Variants in FAM135B observed in about 807,000 individuals in gnomAD.
FAM135B encodes the protein family with sequence similarity 135 member B, also known as protein FAM135B.
FAM135B carries 43 observed loss-of-function variants against 127.7 expected under a neutral mutation model. The observed-to-expected ratio is 0.34, with a 90% CI of 0.26 to 0.43. The LOEUF is 0.43. Among genes scored for constraint, FAM135B ranks in the 20% least tolerant of loss-of-function variants. The probability of loss-of-function intolerance (pLI) is 1.00; values close to 1 mark genes in which losing one functional copy is unlikely to be tolerated. For synonymous variants in FAM135B, 670 were observed against 665.1 expected, an observed-to-expected ratio of 1.01 and a Z score of -0.11; for missense variants, 1,558 against 1,725.6, an observed-to-expected ratio of 0.90 and a Z score of 1.72.
intron 5 of FAM135B, among the ~76,000 whole-genome samples, chr8:138,252,212 T>C (rs1372735169): frequency 6.6e-6 from 1 of 152,230 alleles, no homozygotes; most frequent in Admixed American, 6.5e-5. Flanking sequence ...GAGCTTATTA[T>C]GAACTGAACA....
In FAM135B at chr8:138,141,177, C is replaced by T. The variant is rs537974473; in HGVS notation, c.3790+21G>A. 57 of 1,612,020 alleles carry T rather than the reference C, an allele frequency of 3.5e-5. No homozygotes were observed. The highest frequency in any genetic ancestry group is 1.6e-4 in the East Asian group (7 of 44,858). On this transcript the variant is annotated intron_variant, in intron 17 of 19. Coordinates refer to ENST00000395297, the MANE Select transcript of FAM135B (RefSeq NM_015912.4). This position sits in a 1 kb window ranked among gnomAD's most constrained non-coding sequence, Gnocchi z 4.7. ...GCCCCAGATTAATTCTGAGGAATGA[C>T]GAGTCCTAGAAGAATCTTACCTGTA...
intron 1 of FAM135B, chr8:138,440,799 G>A (rs1157200517): frequency 1.3e-5 from 2 of 151,680 alleles, no homozygotes; most frequent in East Asian, 3.9e-4. Context: ...TTGAAAAAGT[G>A]GCTATGATAT....
intron 12 of FAM135B, among the ~76,000 whole-genome samples, chr8:138,157,249 C>A (rs553260215): frequency 6.6e-6 from 1 of 152,170 alleles, no homozygotes; most frequent in Non-Finnish European, 1.5e-5. Context: ...TTCAACAGCA[C>A]TTCATGCTAA....
chr8:138,336,964 A>C (rs1411479102), intron 2 of FAM135B, among the ~76,000 whole-genome samples: 1 of 152,248 alleles, frequency 6.6e-6, no homozygotes, highest in Non-Finnish European at 1.5e-5. Context: ...TAGGCAAATC[A>C]ATAAACGTAA....
chr8:138,495,453 A>C (rs1815354963), intron 1 of FAM135B, among the ~76,000 whole-genome samples: 1 of 152,202 alleles, frequency 6.6e-6, no homozygotes, highest in African/African-American at 2.4e-5. Context: ...TGGCCAAATC[A>C]CATCCCCTTG....
chr8:138,367,463 T>TACC, intron 2 of FAM135B: 1 of 457,274 alleles, frequency 2.2e-6, no homozygotes. Flanking sequence ...TGTTTGCAAA[T>TACC]ACCAACCTTA....
At chr8:138,397,536 T>C (rs1217988636) in intron 1 of FAM135B, among the ~76,000 whole-genome samples, 1 of 152,236 alleles carries the variant, frequency 6.6e-6, no homozygotes, top group African/African-American at 2.4e-5. Context: ...TCTAATAGCA[T>C]ACGTACTTGT....
At chr8:138,441,779 G>A (rs969227285) in intron 1 of FAM135B, 1 of 151,568 alleles carries the variant, frequency 6.6e-6, no homozygotes, top group African/African-American at 2.4e-5. Flanking sequence ...GATCATATGA[G>A]TGGACCTAGG....
At position 138,152,987 on chromosome 8, in the gene FAM135B, A is replaced by C. The variant is rs903104225; in HGVS notation, c.1488T>G (p.Ser496=). 7 of 1,614,104 alleles carry C rather than the reference A, an allele frequency of 4.3e-6. No homozygotes were observed. The African/African-American group carries it at 9.3e-5, about 22-fold the overall frequency. ...CAATTGATATATACACCTGAGATTC[A>C]GAGCACATGTCCATATGATTTTGTG... The part of the protein sequence containing the change: ...VATQNHMDMC[S]ESQVYISIGE... The change falls in exon 13 of 20, where the codon TCT becomes TCG. Residue 496 remains serine (S), a synonymous_variant. Transcript: ENST00000395297.
intron 2 of FAM135B, among the ~76,000 whole-genome samples, chr8:138,339,851 C>T (rs755287985): frequency 6.6e-6 from 1 of 152,180 alleles, no homozygotes; most frequent in Non-Finnish European, 1.5e-5. Flanking sequence ...GGGGTTCCGT[C>T]GCTTCCTGTT....
At chr8:138,256,571 A>C in intron 5 of FAM135B, 118 bp downstream of exon 5, 3 of 797,996 alleles carry the variant, frequency 3.8e-6, no homozygotes, top group Non-Finnish European at 6.3e-6. Flanking sequence ...GCAGCTTATC[A>C]GGAGATGCTG....
intron 12 of FAM135B, among the ~76,000 whole-genome samples, chr8:138,153,858 G>T (rs1818428289): frequency 6.6e-6 from 1 of 152,184 alleles, no homozygotes; most frequent in African/African-American, 2.4e-5. Flanking sequence ...CCACCTCTCG[G>T]GGCAGGGCAT....
intron 2 of FAM135B, among the ~76,000 whole-genome samples, chr8:138,319,446 C>T (rs1827308253): frequency 6.6e-6 from 1 of 152,136 alleles, no homozygotes. Context: ...TCTCCTACTA[C>T]CTGGGGTCAA....
chr8:138,307,617 C>G (rs1293836133), intron 3 of FAM135B, among the ~76,000 whole-genome samples: 1 of 151,786 alleles, frequency 6.6e-6, no homozygotes, highest in Non-Finnish European at 1.5e-5. Context: ...TTAATAATAA[C>G]AGCTGCATTT....
chr8:138,337,339 C>G (rs201744276), intron 2 of FAM135B, among the ~76,000 whole-genome samples: 3 of 151,918 alleles, frequency 2.0e-5, no homozygotes, highest in African/African-American at 7.2e-5. Context: ...CAGATGACAT[C>G]ATTGTATATC....
At chr8:138,361,299 T>C (rs1347389467) in intron 2 of FAM135B, among the ~76,000 whole-genome samples, 2 of 152,290 alleles carry the variant, frequency 1.3e-5, no homozygotes, top group Admixed American at 6.5e-5. Flanking sequence ...TTGAGCAGCA[T>C]TGATTTAAAT....
intron 1 of FAM135B, among the ~76,000 whole-genome samples, chr8:138,392,289 G>A (rs1363114538): frequency 1.3e-5 from 2 of 152,116 alleles, no homozygotes; most frequent in African/African-American, 4.8e-5. Flanking sequence ...CTTGCTTCAG[G>A]GAACTCTCCA....
At chr8:138,275,010 TTAAAG>T (rs776161616) in intron 3 of FAM135B, among the ~76,000 whole-genome samples, 2 of 152,120 alleles carry the variant, frequency 1.3e-5, no homozygotes, top group Non-Finnish European at 2.9e-5. Flanking sequence ...GATTGAGAGA[TTAAAG>T]TAAAGACAGG....
chr8:138,410,806 T>A (rs1429242398), intron 1 of FAM135B, among the ~76,000 whole-genome samples: 2 of 152,052 alleles, frequency 1.3e-5, no homozygotes, highest in Non-Finnish European at 2.9e-5. Context: ...AGAAAATAAA[T>A]CATTTTACCA....
Sources: gnomAD v4.1 joint callset for allele counts (sites outside exome capture counted in the v4.1 genomes callset) on GRCh38, gnomAD v4.1.1 for gene constraint, Gnocchi (gnomAD v3.1) non-coding constraint, MANE v1.5 for transcripts, NCBI Gene and HGNC (gene_info 2026-07-23, HGNC 2026-07-21) for gene names.